The following XIRP2 variants were observed in gnomAD, a reference collection of about 807,000 sequenced individuals.
The protein encoded by XIRP2 is xin actin binding repeat containing 2, also known as xin actin-binding repeat-containing protein 2.
Under a neutral mutation model 277.0 loss-of-function variants are expected in XIRP2, and 236 were observed. The observed-to-expected ratio is 0.85, with a 90% CI of 0.77 to 0.95. The LOEUF (loss-of-function observed/expected upper bound fraction) is 0.95, where lower values mean the gene tolerates loss of function less well. Ranked by LOEUF, XIRP2 falls within the 40% of genes least tolerant of loss-of-function variation. The pLI is 0.00. For missense variants in XIRP2, 4,640 were observed against 4,157.5 expected (o/e 1.12, Z -3.19); for synonymous variants, 1,490 against 1,416.5 (o/e 1.05, Z -1.17).
intron 3 of XIRP2, among the ~76,000 whole-genome samples, chr2:167,206,801 C>T (rs1017007338): frequency 6.6e-6 from 1 of 152,014 alleles, no homozygotes; most frequent in African/African-American, 2.4e-5. Flanking sequence ...TAAGACTGTC[C>T]GCAACTACAA....
intron 2 of XIRP2, among the ~76,000 whole-genome samples, chr2:167,026,808 C>A (rs1021554213): frequency 6.6e-6 from 1 of 151,992 alleles, no homozygotes; most frequent in Non-Finnish European, 1.5e-5. Context: ...GTTGAATATT[C>A]TTTTCTTTAA....
At position 167,248,672 on chromosome 2, in the gene XIRP2, C is replaced by A; in HGVS notation, c.7280C>A (p.Pro2427His). The change falls in exon 9 of 11, where the codon CCC (proline) becomes CAC (histidine). Residue 2427 changes from proline to histidine, a missense_variant. By Grantham distance (77) the Pro-to-His change is moderately conservative (BLOSUM62 -2). Transcript: ENST00000409195. ...TTGCCACCTCCCACATTGCCCAAAC[C>A]CAAACTTCCCAAGCATATAAAAGAT... ...GVLPPPTLPK[P>H]KLPKHIKDNK... 1 of 1,613,726 alleles carries A rather than the reference C, an allele frequency of 6.2e-7. No homozygotes were observed.
intron 2 of XIRP2, among the ~76,000 whole-genome samples, chr2:166,910,760 A>G (rs959461606): frequency 2.6e-5 from 4 of 152,028 alleles, no homozygotes; most frequent in African/African-American, 7.3e-5. Flanking sequence ...AGTGCTGTAA[A>G]TTTCCCTCTA....
intron 3 of XIRP2, 74 bp downstream of exon 3, chr2:167,136,136 A>G: frequency 7.3e-7 from 1 of 1,378,028 alleles, no homozygotes; most frequent in African/African-American, 1.5e-5. Context: ...AATAAAATAT[A>G]TGAGGGGTTT....
chr2:167,099,721 C>T (rs1690437038), intron 2 of XIRP2, among the ~76,000 whole-genome samples: 1 of 152,154 alleles, frequency 6.6e-6, no homozygotes, highest in Non-Finnish European at 1.5e-5. Flanking sequence ...CACCATCCCT[C>T]ACGGCAGGGT....
At chr2:167,013,975 A>G (rs987216518) in intron 2 of XIRP2, among the ~76,000 whole-genome samples, 9 of 151,288 alleles carry the variant, frequency 5.9e-5, no homozygotes, top group African/African-American at 1.9e-4. Context: ...TTTGTGGAAC[A>G]AACTGAATGC....
At chr2:166,985,908 T>C (rs964920639) in intron 2 of XIRP2, among the ~76,000 whole-genome samples, 1 of 152,094 alleles carries the variant, frequency 6.6e-6, no homozygotes, top group Non-Finnish European at 1.5e-5. Context: ...GAAGAAAAGA[T>C]ACAAGTCCAA....
chr2:167,092,458 T>G (rs912028292), intron 2 of XIRP2, among the ~76,000 whole-genome samples: 1 of 152,078 alleles, frequency 6.6e-6, no homozygotes, highest in African/African-American at 2.4e-5. Context: ...CAAAATAGTT[T>G]GTAAAAGCCA....
At chr2:167,109,908 A>G (rs1215392428) in intron 2 of XIRP2, among the ~76,000 whole-genome samples, 1 of 151,958 alleles carries the variant, frequency 6.6e-6, no homozygotes, top group Non-Finnish European at 1.5e-5. Context: ...TTTAATTTGC[A>G]TGTCTCTAAT....
chr2:166,931,196 G>A (rs1005902632), intron 2 of XIRP2, among the ~76,000 whole-genome samples: 4 of 152,106 alleles, frequency 2.6e-5, no homozygotes, highest in East Asian at 1.9e-4. Context: ...AAAGGCCCTC[G>A]TACTTGCAAT....
Position 167,258,471 on chromosome 2 carries a change from C to G in XIRP2, c.*654C>G. The G allele has an allele frequency of 1.9e-6, 3 of 1,612,820 alleles. No individual in the cohort carries two copies. The highest frequency in any genetic ancestry group is 2.5e-6 in the Non-Finnish European group (3 of 1,179,544). ...GGAAGGAAGAATGTGCAAGATAGGCCGAGTGAAGCTGAAGACACAAAGAGT... is the reference window on the plus strand; with the variant it reads ...GGAAGGAAGAATGTGCAAGATAGGCGGAGTGAAGCTGAAGACACAAAGAGT... On this transcript the variant is annotated 3_prime_UTR_variant, in exon 11 of 11. Transcript: ENST00000409195.
At chr2:166,930,679 A>G in intron 2 of XIRP2, among the ~76,000 whole-genome samples, 1 of 152,206 alleles carries the variant, frequency 6.6e-6, no homozygotes, top group South Asian at 2.1e-4. Context: ...TTATTTTGGT[A>G]ATTCACTTTA....
intron 2 of XIRP2, among the ~76,000 whole-genome samples, chr2:166,955,214 C>T (rs1250968380): frequency 1.3e-5 from 2 of 151,742 alleles, no homozygotes; most frequent in East Asian, 1.9e-4. Context: ...GTCTATTCAA[C>T]GGAAAACTAT....
intron 2 of XIRP2, among the ~76,000 whole-genome samples, chr2:166,955,351 T>A (rs1382326093): frequency 6.6e-6 from 1 of 151,776 alleles, no homozygotes; most frequent in Non-Finnish European, 1.5e-5. Context: ...ACATAAAATG[T>A]CCAGAAAAGG....
intron 2 of XIRP2, among the ~76,000 whole-genome samples, chr2:166,999,149 G>A (rs1225574175): frequency 2.0e-5 from 3 of 152,216 alleles, no homozygotes; most frequent in East Asian, 3.9e-4. Flanking sequence ...TAGGTTGAGG[G>A]ATTGAAGGTT....
rs964919143 is a variant in XIRP2 at position 167,152,341 on chromosome 2, G to A, written c.562+16279G>A. Reference sequence around the variant, plus strand: ...TCTAGAACAGATTTTGCTGCCCCCCGCCCCCAGTTTACTACACTCAACTCA... The same window carrying A: ...TCTAGAACAGATTTTGCTGCCCCCCACCCCCAGTTTACTACACTCAACTCA... On this transcript the variant is annotated intron_variant, in intron 3 of 10. Coordinates refer to ENST00000409195, the MANE Select transcript of XIRP2 (RefSeq NM_152381.6). Among the ~76,000 whole-genome samples, 4 of 150,324 alleles carry A rather than the reference G, an allele frequency of 2.7e-5. No individual in the cohort carries two copies. The East Asian group carries it at 5.9e-4, about 22-fold the overall frequency.
At chr2:166,986,181 T>G (rs780539361) in intron 2 of XIRP2, among the ~76,000 whole-genome samples, 2 of 152,170 alleles carry the variant, frequency 1.3e-5, no homozygotes, top group Non-Finnish European at 2.9e-5. Context: ...CATTCTGGAA[T>G]GGTTAGAGGA....
intron 2 of XIRP2, among the ~76,000 whole-genome samples, chr2:166,911,793 A>T (rs191046337): frequency 2.7e-4 from 41 of 152,286 alleles, no homozygotes; most frequent in African/African-American, 8.9e-4. Context: ...GAGCTCTTTT[A>T]GGGCAGGCCT....
chr2:167,082,689 A>G (rs1689774103), intron 2 of XIRP2, among the ~76,000 whole-genome samples: 1 of 152,156 alleles, frequency 6.6e-6, no homozygotes, highest in Non-Finnish European at 1.5e-5. Context: ...CATTTCTCTG[A>G]TGGCCACTGA....
Sources: allele counts gnomAD v4.1 joint callset (sites outside exome capture counted in the v4.1 genomes callset), GRCh38; gene constraint gnomAD v4.1.1; transcripts MANE v1.5; gene names NCBI Gene and HGNC (gene_info 2026-07-23, HGNC 2026-07-21).